TAFA5: variants seen among roughly 807,000 people sequenced by gnomAD.
The protein encoded by TAFA5 is TAFA chemokine like family member 5, also known as chemokine-like protein TAFA-5.
In TAFA5, 6 loss-of-function variants were observed where a neutral mutation model predicts 15.3. That is an observed-to-expected ratio of 0.39 (90% CI 0.21 to 0.77). The LOEUF is 0.77. Among genes scored for constraint, TAFA5 ranks in the 30% least tolerant of loss-of-function variants. TAFA5 has a pLI of 0.41. For synonymous variants in TAFA5, 103 were observed against 80.7 expected (o/e 1.28, Z -1.48); for missense variants, 161 against 193.1 (o/e 0.83, Z 0.98).
rs924490072 is a variant in TAFA5 at position 48,750,123 on chromosome 22, C to T, written c.*276C>T. On this transcript the variant is annotated 3_prime_UTR_variant, in exon 4 of 4. Coordinates refer to ENST00000402357, the MANE Select transcript of TAFA5 (RefSeq NM_001082967.3). ...TGGGAGCCCGGCCGCGCCCAGCCCC[C>T]GCCGACCGTGGCGTTGGCCCTGCTG... The T allele has an allele frequency of 1.2e-5, 6 of 503,498 alleles. No individual in the cohort carries two copies. Among genetic ancestry groups the T allele is most frequent in the East Asian group, 6.9e-5 (2 of 28,918 alleles). The allele number at this position is 503,498 out of a possible 1,614,324, so 31.2% of individuals were successfully genotyped here.
chr22:48,574,799 C>T (rs183428017), intron 1 of TAFA5, among the ~76,000 whole-genome samples: 6 of 152,334 alleles, frequency 3.9e-5, no homozygotes, highest in Admixed American at 2.6e-4. Flanking sequence ...GAACCCCTGA[C>T]GAGGACACCT....
At position 48,566,787 on chromosome 22, in the gene TAFA5, T is replaced by C. The variant is rs1923422295; in HGVS notation, c.112+77083T>C. The stretch of plus-strand genomic sequence containing the variant: ...GCCCCTGATCATGCTCTCCTCCTTT[T>C]GCCTGTGTCCTCCTTGGAAGCATTT... On this transcript the variant is annotated intron_variant, in intron 1 of 3. Coordinates refer to ENST00000402357, the MANE Select transcript of TAFA5 (RefSeq NM_001082967.3). The surrounding 1 kb of genome is among the most constrained non-coding windows in gnomAD (Gnocchi z 4.5). Among the ~76,000 whole-genome samples, 1 of 152,220 alleles carries C rather than the reference T, an allele frequency of 6.6e-6. No homozygotes were observed. The highest frequency in any genetic ancestry group is 1.5e-5 in the Non-Finnish European group (1 of 68,044).
Position 48,566,442 on chromosome 22 carries a change from A to G in TAFA5, c.112+76738A>G, listed in dbSNP as rs998330619. On this transcript the variant is annotated intron_variant, in intron 1 of 3. Transcript: ENST00000402357. The surrounding 1 kb of genome is among the most constrained non-coding windows in gnomAD (Gnocchi z 4.5). ...ATGATGAATGGTAGATGGGTGATGA[A>G]TGATTGATTGATGGAGGGATGGATG... Among the ~76,000 whole-genome samples, 4 of 151,364 alleles carry G rather than the reference A, an allele frequency of 2.6e-5. No individual in the cohort carries two copies. Among genetic ancestry groups the G allele is most frequent in the Non-Finnish European group, 4.4e-5 (3 of 67,824 alleles).
chr22:48,686,278 A>G (rs975657676), intron 2 of TAFA5, among the ~76,000 whole-genome samples: 2 of 151,456 alleles, frequency 1.3e-5, no homozygotes, highest in Non-Finnish European at 2.9e-5. Flanking sequence ...GTGCATAGAC[A>G]GAAATTTGTT....
At chr22:48,736,084 A>G (rs1269719299) in intron 3 of TAFA5, among the ~76,000 whole-genome samples, 1 of 54,640 alleles carries the variant, frequency 1.8e-5, no homozygotes, top group East Asian at 4.6e-4. Context: ...CCTAGAGTCC[A>G]TCCCCCCAGG....
intron 1 of TAFA5, among the ~76,000 whole-genome samples, chr22:48,587,058 T>C (rs117960934): frequency 2.2e-5 from 3 of 133,916 alleles, no homozygotes; most frequent in Admixed American, 7.2e-5. Flanking sequence ...CTGTGTCTGT[T>C]TGTCTGTGGT....
rs541132391 is a variant in TAFA5 at position 48,617,711 on chromosome 22, T to C, written c.113-28886T>C. Among the ~76,000 whole-genome samples the C allele has an allele frequency of 2.6e-5, 4 of 152,306 alleles. No homozygotes were observed. In the East Asian group the frequency reaches 7.7e-4, roughly 29 times the overall value. Reference sequence around the variant, plus strand: ...CCCCATGCCTGAGGCGGGGGCTGGATGTTCTGGAGCCTGGCTTGGTGCATC... The same window carrying C: ...CCCCATGCCTGAGGCGGGGGCTGGACGTTCTGGAGCCTGGCTTGGTGCATC... On this transcript the variant is annotated intron_variant, in intron 1 of 3. Transcript: ENST00000402357.
chr22:48,685,610 A>G (rs1928328318), intron 2 of TAFA5, among the ~76,000 whole-genome samples: 2 of 152,190 alleles, frequency 1.3e-5, no homozygotes, highest in South Asian at 4.1e-4. Flanking sequence ...CTAAACTCCA[A>G]AAGGGAGGGG....
chr22:48,663,768 A>C (rs1039258085), intron 2 of TAFA5, among the ~76,000 whole-genome samples: 1 of 152,222 alleles, frequency 6.6e-6, no homozygotes, highest in African/African-American at 2.4e-5. Flanking sequence ...TGTCCAAGTC[A>C]GCTGCCTATT....
chr22:48,637,900 T>G (rs1926509050), intron 1 of TAFA5, among the ~76,000 whole-genome samples: 1 of 152,058 alleles, frequency 6.6e-6, no homozygotes, highest in Non-Finnish European at 1.5e-5. Context: ...GTGTAAAGCC[T>G]TGAAAACAGA....
rs1479244501 is a variant in TAFA5, at chr22:48,598,902, G to A, written c.113-47695G>A. Among the ~76,000 whole-genome samples the A allele has an allele frequency of 2.0e-5, 3 of 152,094 alleles. No individual in the cohort carries two copies. Among genetic ancestry groups the A allele is most frequent in the Non-Finnish European group, 4.4e-5 (3 of 68,022 alleles). On this transcript the variant is annotated intron_variant, in intron 1 of 3. Transcript: ENST00000402357. The surrounding 1 kb of genome is among the most constrained non-coding windows in gnomAD (Gnocchi z 4.0). ...TTCCACCACCCTCTCCTGGCATTCC[G>A]TCATTTGCGAGAATGGCCCACAATC...
At chr22:48,565,300 G>C (rs1465158353) in intron 1 of TAFA5, among the ~76,000 whole-genome samples, 1 of 152,222 alleles carries the variant, frequency 6.6e-6, no homozygotes, top group Non-Finnish European at 1.5e-5. Flanking sequence ...GATGGGAAGT[G>C]GCCCTCCTAG....
At chr22:48,678,182 C>T (rs1030719574) in intron 2 of TAFA5, among the ~76,000 whole-genome samples, 2 of 152,194 alleles carry the variant, frequency 1.3e-5, no homozygotes, top group African/African-American at 4.8e-5. Context: ...GCCCCATGTT[C>T]CCTCTGCTGA....
intron 1 of TAFA5, among the ~76,000 whole-genome samples, chr22:48,634,187 C>T (rs150062796): frequency 2.0e-3 from 306 of 152,318 alleles, no homozygotes; most frequent in African/African-American, 7.1e-3. Context: ...TTCACCCACT[C>T]ATCACTCACC....
At chr22:48,704,369 G>A (rs1056451130) in intron 2 of TAFA5, among the ~76,000 whole-genome samples, 1 of 152,100 alleles carries the variant, frequency 6.6e-6, no homozygotes, top group Non-Finnish European at 1.5e-5. Flanking sequence ...CATATTTACT[G>A]TTACCCAACA....
chr22:48,619,945 G>C (rs1925745108), intron 1 of TAFA5, among the ~76,000 whole-genome samples: 1 of 152,244 alleles, frequency 6.6e-6, no homozygotes, highest in Admixed American at 6.5e-5. Flanking sequence ...GGGCCTGGGG[G>C]CGTCGGCCCT....
chr22:48,718,962 T>C (rs779322051), intron 3 of TAFA5, among the ~76,000 whole-genome samples: 62 of 152,126 alleles, frequency 4.1e-4, no homozygotes, highest in Non-Finnish European at 7.1e-4. Context: ...CATCTGTCTG[T>C]CCCCATGTCC....
At chr22:48,618,476 G>T (rs1569050054) in intron 1 of TAFA5, among the ~76,000 whole-genome samples, 2 of 152,232 alleles carry the variant, frequency 1.3e-5, no homozygotes, top group African/African-American at 2.4e-5. Context: ...AGTTGCCGGG[G>T]ATGGCTTTGC....
chr22:48,578,365 G>A (rs1382813259), intron 1 of TAFA5, among the ~76,000 whole-genome samples: 2 of 152,186 alleles, frequency 1.3e-5, no homozygotes, highest in Non-Finnish European at 2.9e-5. Flanking sequence ...GCCTCCGGGG[G>A]CTCTGCTGTC....
Sources: allele counts gnomAD v4.1 joint callset (sites outside exome capture counted in the v4.1 genomes callset), GRCh38; gene constraint gnomAD v4.1.1; non-coding constraint Gnocchi (gnomAD v3.1); transcripts MANE v1.5; gene names NCBI Gene and HGNC (gene_info 2026-07-23, HGNC 2026-07-21).